The following ZNF346 variants were observed in gnomAD, a reference collection of about 807,000 sequenced individuals.
The protein encoded by ZNF346 is double-stranded RNA-binding zinc finger protein JAZ.
In ZNF346, 23 loss-of-function variants were observed where a neutral mutation model predicts 33.7. That is an observed-to-expected ratio of 0.68 (90% CI 0.49 to 0.97). The LOEUF (loss-of-function observed/expected upper bound fraction) is 0.97. ZNF346 is among the 50% of genes least tolerant of loss of function. ZNF346 has a pLI of 0.00. For missense variants in ZNF346, 340 were observed against 371.1 expected, an observed-to-expected ratio of 0.92 and a Z score of 0.69; for synonymous variants, 134 against 142.4, an observed-to-expected ratio of 0.94 and a Z score of 0.42.
chr5:177,071,862 C>T (rs1020923873), downstream of ZNF346, among the ~76,000 whole-genome samples: 6 of 152,240 alleles, frequency 3.9e-5, no homozygotes, highest in African/African-American at 1.4e-4. Context: ...ACCTCTCTGC[C>T]CTGTGCAAAG....
At chr5:177,037,141 C>G (rs535464519) in intron 1 of ZNF346, among the ~76,000 whole-genome samples, 1 of 152,272 alleles carries the variant, frequency 6.6e-6, no homozygotes, top group Non-Finnish European at 1.5e-5. Context: ...ATTGTTGCTT[C>G]TGCAGGAGAT....
intron 3 of ZNF346, among the ~76,000 whole-genome samples, chr5:177,044,115 G>A (rs779147100): frequency 6.6e-6 from 1 of 151,906 alleles, no homozygotes; most frequent in Non-Finnish European, 1.5e-5. Flanking sequence ...GGGTCTTGAA[G>A]GCTAAGCAGA....
intron 4 of ZNF346, among the ~76,000 whole-genome samples, chr5:177,050,405 C>G (rs1428282053): frequency 6.6e-6 from 1 of 152,324 alleles, no homozygotes; most frequent in South Asian, 2.1e-4. Flanking sequence ...CATCTCTAGT[C>G]TATTGTAACT....
chr5:177,062,184 A>G, intron 6 of ZNF346, 33 bp downstream of exon 6: 1 of 1,580,934 alleles, frequency 6.3e-7, no homozygotes, highest in Middle Eastern at 1.7e-4. Flanking sequence ...TCTAGGATCC[A>G]TAGCAGGAGC....
downstream of ZNF346, among the ~76,000 whole-genome samples, chr5:177,070,396 T>C (rs1324508979): frequency 6.6e-6 from 1 of 152,034 alleles, no homozygotes; most frequent in Admixed American, 6.6e-5. Flanking sequence ...GGCAAGCATA[T>C]GAGGGAGCCC....
At chr5:177,068,674 C>A (rs1490891982), downstream of ZNF346, among the ~76,000 whole-genome samples, 1 of 142,902 alleles carries the variant, frequency 7.0e-6, no homozygotes, top group East Asian at 1.9e-4. Context: ...GGGCCTGGGT[C>A]ATGTGCCTAA....
intron 1 of ZNF346, among the ~76,000 whole-genome samples, chr5:177,032,433 A>G (rs1311069980): frequency 6.6e-6 from 1 of 150,912 alleles, no homozygotes; most frequent in African/African-American, 2.4e-5. Context: ...TTTTTGAGAC[A>G]GAGTTTCGCC....
At chr5:177,078,459 G>A (rs1783853960) in intron 8 of ZNF346, among the ~76,000 whole-genome samples, 2 of 152,196 alleles carry the variant, frequency 1.3e-5, no homozygotes, top group Admixed American at 6.5e-5. Context: ...GGAGCTGGGG[G>A]TGCCAGTGGG....
intron 8 of ZNF346, among the ~76,000 whole-genome samples, chr5:177,078,995 G>A (rs1379748619): frequency 6.6e-6 from 1 of 151,932 alleles, no homozygotes; most frequent in Non-Finnish European, 1.5e-5. Context: ...TTGGGGCCAG[G>A]CACGGTGGCT....
At chr5:177,023,829 T>C (rs1776271168) in intron 1 of ZNF346, among the ~76,000 whole-genome samples, 1 of 152,044 alleles carries the variant, frequency 6.6e-6, no homozygotes, top group Non-Finnish European at 1.5e-5. Context: ...CTGAGCAGAC[T>C]TGTCTTCGAA....
chr5:177,036,654 A>G (rs1046333692), intron 1 of ZNF346, among the ~76,000 whole-genome samples: 3 of 151,998 alleles, frequency 2.0e-5, no homozygotes, highest in Non-Finnish European at 4.4e-5. Flanking sequence ...CCATGAGCAC[A>G]CCTCCGGCCA....
intron 1 of ZNF346, among the ~76,000 whole-genome samples, chr5:177,035,368 C>A (rs576756913): frequency 7.9e-5 from 12 of 152,224 alleles, no homozygotes; most frequent in African/African-American, 2.9e-4. Flanking sequence ...ATCTTTTGCA[C>A]CCTGGAGAGA....
chr5:177,077,886 C>T lies in ZNF346; in HGVS notation c.*3-1496C>T, dbSNP rs1200812377. Among the ~76,000 whole-genome samples, 1 of 152,170 alleles carries T rather than the reference C, an allele frequency of 6.6e-6. No individual in the cohort carries two copies. The highest frequency in any genetic ancestry group is 2.4e-5 in the African/African-American group (1 of 41,430). On this transcript the variant is annotated intron_variant, in intron 8 of 8. Coordinates refer to the ZNF346 transcript ENST00000503039. This position sits in a 1 kb window ranked among gnomAD's most constrained non-coding sequence, Gnocchi z 5.0. ...GCCTGGCCAGGCGCGGTGGCTCACG[C>T]CTGTAATCCCAGCACTTTGGGAGGC...
intron 4 of ZNF346, among the ~76,000 whole-genome samples, chr5:177,046,165 G>A (rs1310143476): frequency 6.6e-6 from 1 of 151,984 alleles, no homozygotes; most frequent in Non-Finnish European, 1.5e-5. Context: ...GCTGGGTGTG[G>A]TGGCACGAGC....
chr5:177,028,400 A>G (rs1777131773), intron 1 of ZNF346, among the ~76,000 whole-genome samples: 1 of 149,186 alleles, frequency 6.7e-6, no homozygotes, highest in Non-Finnish European at 1.5e-5. Context: ...TTTCTAAGGT[A>G]AGATCTTATG....
intron 3 of ZNF346, among the ~76,000 whole-genome samples, chr5:177,043,265 C>T (rs949061811): frequency 3.3e-5 from 5 of 152,100 alleles, no homozygotes; most frequent in Admixed American, 2.0e-4. Flanking sequence ...TCCCAAAGTA[C>T]CAGGATTACA....
intron 3 of ZNF346, 66 bp from the exon 4 acceptor site, chr5:177,044,323 G>A: frequency 6.3e-7 from 1 of 1,595,212 alleles, no homozygotes; most frequent in Admixed American, 1.7e-5. Context: ...TGGGCAGTGG[G>A]GAACCATTGA....
intron 1 of ZNF346, among the ~76,000 whole-genome samples, chr5:177,023,951 C>T (rs1432344029): frequency 1.3e-5 from 2 of 150,800 alleles, no homozygotes; most frequent in East Asian, 1.9e-4. Flanking sequence ...TATACTTCTC[C>T]AATTTAAAAA....
intron 5 of ZNF346, among the ~76,000 whole-genome samples, chr5:177,061,643 A>G (rs1180615756): frequency 6.6e-6 from 1 of 152,186 alleles, no homozygotes; most frequent in Non-Finnish European, 1.5e-5. Context: ...TATCATAACC[A>G]GCGTTCTCAC....
Sources: allele counts gnomAD v4.1 joint callset (sites outside exome capture counted in the v4.1 genomes callset), GRCh38; gene constraint gnomAD v4.1.1; non-coding constraint Gnocchi (gnomAD v3.1); transcripts MANE v1.5; gene names NCBI Gene and HGNC (gene_info 2026-07-23, HGNC 2026-07-21).